Variants in GNB5 observed in about 807,000 individuals in gnomAD.
The protein encoded by GNB5 is G protein subunit beta 5, also known as guanine nucleotide-binding protein subunit beta-5.
Under a neutral mutation model 55.3 loss-of-function variants are expected in GNB5, and 37 were observed. The ratio of observed to expected loss-of-function variants is 0.67; its 90% CI spans 0.51 to 0.88. GNB5 has a LOEUF of 0.88. Among genes scored for constraint, GNB5 ranks in the 40% least tolerant of loss-of-function variants. The probability of loss-of-function intolerance (pLI) is 0.00; values close to 1 mark genes in which losing one functional copy is unlikely to be tolerated. For missense variants in GNB5, 476 were observed against 515.3 expected, an observed-to-expected ratio of 0.92 and a Z score of 0.74; for synonymous variants, 219 against 198.5, an observed-to-expected ratio of 1.10 and a Z score of -0.87.
At position 52,184,628 on chromosome 15, in the gene GNB5, A is replaced by G; in HGVS notation, c.49T>C (p.Cys17Arg). The G allele has an allele frequency of 6.2e-7, 1 of 1,613,136 alleles. No individual in the cohort carries two copies. Among genetic ancestry groups the G allele is most frequent in the Non-Finnish European group, 8.5e-7 (1 of 1,179,058 alleles). Reference sequence around the variant, plus strand: ...GGTCTCAGAGCTCGTTGTTTGAAACATTTGTCACATGAGCCAAATACATTA... The same window carrying G: ...GGTCTCAGAGCTCGTTGTTTGAAACGTTTGTCACATGAGCCAAATACATTA... ...LVNVFGSCDK[C>R]FKQRALRPVF... Residue 17 changes from cysteine (C) to arginine (R), a missense_variant, in exon 2 of 13, where the codon TGT (cysteine) becomes CGT (arginine). Transcript: ENST00000261837.
intron 6 of GNB5, among the ~76,000 whole-genome samples, chr15:52,146,436 A>G (rs1436083899): frequency 6.6e-6 from 1 of 152,190 alleles, no homozygotes; most frequent in East Asian, 1.9e-4. Context: ...AGTAATCTTG[A>G]TGCCCTTTTC....
chr15:52,130,880 C>T (rs1223612435), intron 9 of GNB5, among the ~76,000 whole-genome samples: 1 of 152,234 alleles, frequency 6.6e-6, no homozygotes, highest in African/African-American at 2.4e-5. Context: ...GGCTGGAGTG[C>T]AGTGGCACGA....
intron 7 of GNB5, among the ~76,000 whole-genome samples, chr15:52,140,886 C>T (rs566601221): frequency 1.3e-5 from 2 of 152,296 alleles, no homozygotes; most frequent in South Asian, 2.1e-4. Context: ...CTCCCACCCT[C>T]GCCAAGTCAA....
chr15:52,161,772 G>A (rs1394134715), intron 3 of GNB5, among the ~76,000 whole-genome samples: 3 of 152,220 alleles, frequency 2.0e-5, no homozygotes, highest in South Asian at 2.1e-4. Flanking sequence ...AGCACCTTTC[G>A]CAGGCTGGCC....
chr15:52,149,689 G>C, intron 5 of GNB5, 195 bp downstream of exon 5: 1 of 661,440 alleles, frequency 1.5e-6, no homozygotes, highest in South Asian at 1.7e-5. Context: ...GGGCGAGAGG[G>C]GAATAAATGC....
chr15:52,181,936 A>G (rs2034778022), intron 2 of GNB5, among the ~76,000 whole-genome samples: 1 of 152,028 alleles, frequency 6.6e-6, no homozygotes, highest in South Asian at 2.1e-4. Flanking sequence ...ATATATAAAT[A>G]CAATTATTAA....
intron 3 of GNB5, among the ~76,000 whole-genome samples, chr15:52,179,077 T>G (rs987632043): frequency 5.3e-5 from 8 of 152,228 alleles, no homozygotes; most frequent in Admixed American, 5.2e-4. Flanking sequence ...ACAGAGCCAG[T>G]TCTGAATTAC....
rs2033370687 is a variant in GNB5 at position 52,124,572 on chromosome 15, C to G, written c.1077G>C (p.Arg359=). Reference sequence around the variant, plus strand: ...TTTCATGTCCAAACAGGATGGAGACCCGGGACCCTTTGAGAACATCCCAGA... The same window carrying G: ...TTTCATGTCCAAACAGGATGGAGACGCGGGACCCTTTGAGAACATCCCAGA... The part of the protein sequence containing the change: ...INVWDVLKGS[R]VSILFGHENR... Residue 359 remains arginine (R), a synonymous_variant, in exon 12 of 13, where the codon CGG becomes CGC. Transcript: ENST00000261837. 3 of 1,613,782 alleles carry G rather than the reference C, an allele frequency of 1.9e-6. No individual in the cohort carries two copies. Among genetic ancestry groups the G allele is most frequent in the Non-Finnish European group, 2.5e-6 (3 of 1,179,678 alleles).
intron 4 of GNB5, among the ~76,000 whole-genome samples, chr15:52,152,739 T>C (rs998467074): frequency 1.6e-4 from 24 of 151,566 alleles, no homozygotes; most frequent in African/African-American, 5.8e-4. Context: ...CAAACGATAC[T>C]CCCACCTCAG....
At chr15:52,125,608 C>T (rs939995193) in intron 11 of GNB5, 2 of 180,892 alleles carry the variant, frequency 1.1e-5, no homozygotes, top group African/African-American at 2.4e-5. Flanking sequence ...TCACCTCCAC[C>T]TTACAGAAAA....
intron 9 of GNB5, 31 bp from the exon 10 acceptor site, chr15:52,128,275 G>GT: frequency 6.7e-7 from 1 of 1,495,866 alleles, no homozygotes; most frequent in Non-Finnish European, 9.3e-7. Context: ...ATCTACGGTT[G>GT]TGACTCCTGA....
intron 3 of GNB5, among the ~76,000 whole-genome samples, chr15:52,169,866 T>A (rs2034526362): frequency 6.6e-6 from 1 of 151,448 alleles, no homozygotes. Flanking sequence ...TTAAACAAAT[T>A]TACAAGAAAA....
At chr15:52,190,588 C>T (rs1020109877) in intron 1 of GNB5, among the ~76,000 whole-genome samples, 2 of 151,880 alleles carry the variant, frequency 1.3e-5, no homozygotes, top group African/African-American at 4.8e-5. Context: ...ACCTAAAAAG[C>T]CTGACAACAC....
rs542472987 is a variant in GNB5 at position 52,139,999 on chromosome 15, T to G, written c.627+1141A>C. On this transcript the variant is annotated intron_variant, in intron 7 of 12. Transcript: ENST00000261837. ...CCCAAAGACATCTCATTTTGGCCACTGCACCAGTCAGTGGCCACAGCGCCC... is the reference window on the plus strand; with the variant it reads ...CCCAAAGACATCTCATTTTGGCCACGGCACCAGTCAGTGGCCACAGCGCCC... 1,693 of 1,223,192 alleles carry G rather than the reference T, an allele frequency of 1.4e-3. 24 individuals carry two copies. In the South Asian group the frequency reaches 0.018, roughly 13 times the overall value. The allele number at this position is 1,223,192 out of a possible 1,614,324, so 75.8% of individuals were successfully genotyped here. A position where few individuals can be genotyped will look rare whatever the true frequency, so the allele number is the denominator to read the frequency against.
chr15:52,141,898 A>G (rs2033864148), intron 6 of GNB5, among the ~76,000 whole-genome samples: 1 of 152,234 alleles, frequency 6.6e-6, no homozygotes. Flanking sequence ...GCCAGGATCC[A>G]GGGACCAACC....
chr15:52,162,883 C>T (rs2034364272), intron 3 of GNB5: 1 of 152,266 alleles, frequency 6.6e-6, no homozygotes, highest in Non-Finnish European at 1.5e-5. Context: ...AAAAACCCCA[C>T]ACAAGGCGGG....
intron 8 of GNB5, 150 bp downstream of exon 8, chr15:52,135,463 G>A (rs1005871369): frequency 5.0e-5 from 37 of 734,536 alleles, no homozygotes; most frequent in Non-Finnish European, 8.0e-5. Context: ...GGTCACTGCA[G>A]GAGCTGGGGG....
intron 3 of GNB5, among the ~76,000 whole-genome samples, chr15:52,163,335 T>C (rs2034377845): frequency 6.6e-6 from 1 of 152,156 alleles, no homozygotes; most frequent in African/African-American, 2.4e-5. Flanking sequence ...GAGATCCATC[T>C]ATTCCCCTAG....
intron 5 of GNB5, among the ~76,000 whole-genome samples, chr15:52,149,109 T>C (rs925508012): frequency 3.3e-5 from 5 of 152,192 alleles, no homozygotes; most frequent in African/African-American, 9.7e-5. Context: ...CTCTACAAAA[T>C]GGTTTCGGCC....
Sources: allele counts gnomAD v4.1 joint callset (sites outside exome capture counted in the v4.1 genomes callset), GRCh38; gene constraint gnomAD v4.1.1; transcripts MANE v1.5; gene names NCBI Gene and HGNC (gene_info 2026-07-23, HGNC 2026-07-21).